NPAS3: variants seen among roughly 807,000 people sequenced by gnomAD.
The protein encoded by NPAS3 is neuronal PAS domain protein 3.
NPAS3 carries 14 observed loss-of-function variants against 73.1 expected under a neutral mutation model. The ratio of observed to expected loss-of-function variants is 0.19; its 90% CI spans 0.13 to 0.30. The LOEUF (loss-of-function observed/expected upper bound fraction) is 0.30, where lower values mean the gene tolerates loss of function less well. Among genes scored for constraint, NPAS3 ranks in the 10% least tolerant of loss-of-function variants. NPAS3 has a pLI of 1.00. For missense variants in NPAS3, 1,096 were observed against 1,250.0 expected (o/e 0.88, Z 1.86); for synonymous variants, 620 against 541.5 (o/e 1.14, Z -2.01).
At chr14:33,620,528 G>A (rs2058048404) in intron 5 of NPAS3, among the ~76,000 whole-genome samples, 1 of 152,104 alleles carries the variant, frequency 6.6e-6, no homozygotes, top group Non-Finnish European at 1.5e-5. Flanking sequence ...ACAAAAATAT[G>A]CAAATATAGA....
chr14:33,508,384 C>A (rs1392164400), intron 4 of NPAS3, among the ~76,000 whole-genome samples: 4 of 151,924 alleles, frequency 2.6e-5, no homozygotes, highest in African/African-American at 9.7e-5. Flanking sequence ...TGAAGCAATG[C>A]CGAAAAGGGG....
intron 4 of NPAS3, among the ~76,000 whole-genome samples, chr14:33,384,651 C>G (rs2046700037): frequency 6.6e-6 from 1 of 152,150 alleles, no homozygotes; most frequent in South Asian, 2.1e-4. Context: ...ATCACTTGAA[C>G]CCGGGGAGGT....
At chr14:33,143,207 C>T (rs1474196799) in intron 2 of NPAS3, among the ~76,000 whole-genome samples, 1 of 150,588 alleles carries the variant, frequency 6.6e-6, no homozygotes, top group African/African-American at 2.5e-5. Context: ...AAAAAGTTAT[C>T]CTGGCCGGCT....
At chr14:33,603,526 A>G (rs965903468) in intron 5 of NPAS3, among the ~76,000 whole-genome samples, 15 of 152,316 alleles carry the variant, frequency 9.8e-5, no homozygotes, top group African/African-American at 3.6e-4. Context: ...AACCACACAT[A>G]TTATAATTAA....
intron 2 of NPAS3, among the ~76,000 whole-genome samples, chr14:33,146,198 T>G (rs1386204828): frequency 6.6e-6 from 1 of 152,216 alleles, no homozygotes; most frequent in Non-Finnish European, 1.5e-5. Flanking sequence ...ATATGATGTG[T>G]ATGAGCATCC....
intron 3 of NPAS3, among the ~76,000 whole-genome samples, chr14:33,331,848 C>T (rs1471528041): frequency 2.0e-5 from 3 of 152,164 alleles, no homozygotes; most frequent in African/African-American, 4.8e-5. Flanking sequence ...CCCAGGGCCA[C>T]GCTGTAGAAT....
At chr14:33,485,711 G>A (rs910989954) in intron 4 of NPAS3, among the ~76,000 whole-genome samples, 1 of 152,096 alleles carries the variant, frequency 6.6e-6, no homozygotes, top group African/African-American at 2.4e-5. Flanking sequence ...CACAAAAATG[G>A]AAAACTACAG....
chr14:33,673,355 G>T (rs1357237673), intron 5 of NPAS3, among the ~76,000 whole-genome samples: 1 of 152,132 alleles, frequency 6.6e-6, no homozygotes, highest in African/African-American at 2.4e-5. Flanking sequence ...TCAAAAGATT[G>T]TTATGAGGAT....
chr14:33,337,044 C>T (rs1566809119), intron 3 of NPAS3, among the ~76,000 whole-genome samples: 2 of 151,996 alleles, frequency 1.3e-5, no homozygotes, highest in African/African-American at 2.4e-5. Context: ...TTTTCATTTT[C>T]TCAAAGGTGT....
chr14:33,323,728 A>G (rs529242999), intron 3 of NPAS3, among the ~76,000 whole-genome samples: 1 of 152,350 alleles, frequency 6.6e-6, no homozygotes, highest in South Asian at 2.1e-4. Context: ...TTTACCATTC[A>G]ATTTGCATTA....
chr14:33,311,152 C>T (rs1384684938), intron 3 of NPAS3, among the ~76,000 whole-genome samples: 2 of 152,076 alleles, frequency 1.3e-5, no homozygotes, highest in African/African-American at 4.8e-5. Context: ...GAGTTTTCCT[C>T]TTGCCTTTTG....
At chr14:33,096,960 C>T (rs946210190) in intron 2 of NPAS3, among the ~76,000 whole-genome samples, 40 of 152,168 alleles carry the variant, frequency 2.6e-4, no homozygotes, top group Non-Finnish European at 4.7e-4. Context: ...ACTTTTCTGA[C>T]AGTTTGAAAT....
chr14:33,760,422 A>T (rs2062245681), intron 7 of NPAS3, among the ~76,000 whole-genome samples: 1 of 152,172 alleles, frequency 6.6e-6, no homozygotes, highest in Non-Finnish European at 1.5e-5. Flanking sequence ...AATCTCAAAG[A>T]TACTTTGGAA....
At chr14:33,580,989 G>A (rs2056643284) in intron 5 of NPAS3, among the ~76,000 whole-genome samples, 1 of 152,144 alleles carries the variant, frequency 6.6e-6, no homozygotes, top group African/African-American at 2.4e-5. Flanking sequence ...CAAGATAAAA[G>A]CTGTCCAAAC....
At chr14:33,467,274 G>C (rs1185678130) in intron 4 of NPAS3, among the ~76,000 whole-genome samples, 2 of 152,144 alleles carry the variant, frequency 1.3e-5, no homozygotes, top group Non-Finnish European at 2.9e-5. Flanking sequence ...CATGTGCCAG[G>C]TCACATAAGG....
chr14:32,975,761 A>AAAAC (rs1025385255), intron 1 of NPAS3, among the ~76,000 whole-genome samples: 2 of 152,162 alleles, frequency 1.3e-5, no homozygotes, highest in Non-Finnish European at 2.9e-5. Flanking sequence ...AAAACAAAAC[A>AAAAC]AAACAACAGC....
chr14:33,537,760 G>A lies in NPAS3; in HGVS notation c.469-22361G>A, dbSNP rs917106564. On this transcript the variant is annotated intron_variant, in intron 4 of 11. Transcript: ENST00000356141. ...AGTAGGGACCCATTTGACATTGGAC[G>A]GGAAGAGCTGTGAGCTCGTGAGTCA... is the stretch of plus-strand genomic sequence containing the variant. Among the ~76,000 whole-genome samples, 10 of 152,268 alleles carry A rather than the reference G, an allele frequency of 6.6e-5. No homozygotes were observed. The East Asian group carries it at 1.2e-3, about 18-fold the overall frequency.
intron 3 of NPAS3, among the ~76,000 whole-genome samples, chr14:33,332,602 C>T (rs1033747176): frequency 2.0e-5 from 3 of 152,142 alleles, no homozygotes; most frequent in African/African-American, 7.2e-5. Context: ...TCCCCTTAAC[C>T]ACAGGCGTAT....
At chr14:33,290,607 A>G (rs970774543) in intron 3 of NPAS3, among the ~76,000 whole-genome samples, 2 of 152,230 alleles carry the variant, frequency 1.3e-5, no homozygotes, top group Non-Finnish European at 2.9e-5. Flanking sequence ...TTGTATAATC[A>G]ACTGGTTGTT....
Sources: gnomAD v4.1 joint callset for allele counts (sites outside exome capture counted in the v4.1 genomes callset) on GRCh38, gnomAD v4.1.1 for gene constraint, MANE v1.5 for transcripts, NCBI Gene and HGNC (gene_info 2026-07-23, HGNC 2026-07-21) for gene names.